FBN2: variants seen among roughly 807,000 people sequenced by gnomAD.
FBN2 encodes the protein fibrillin-2.
In FBN2, 105 loss-of-function variants were observed where a neutral mutation model predicts 355.6. The observed-to-expected ratio is 0.30, with a 90% CI of 0.25 to 0.35. The LOEUF (loss-of-function observed/expected upper bound fraction) is 0.35. FBN2 is among the 10% of genes least tolerant of loss of function. FBN2 has a pLI of 1.00. For synonymous variants in FBN2, 1,350 were observed against 1,301.2 expected (o/e 1.04, Z -0.81); for missense variants, 3,280 against 3,758.7 (o/e 0.87, Z 3.33).
intron 6 of FBN2, among the ~76,000 whole-genome samples, chr5:128,448,782 C>T (rs1178274350): frequency 6.6e-6 from 1 of 152,020 alleles, no homozygotes; most frequent in Non-Finnish European, 1.5e-5. Context: ...TTTATTTCCT[C>T]ATGTGAAAGT....
intron 8 of FBN2, among the ~76,000 whole-genome samples, chr5:128,407,717 C>A (rs1252817605): frequency 6.6e-6 from 1 of 152,094 alleles, no homozygotes; most frequent in African/African-American, 2.4e-5. Context: ...GGCCACAGTC[C>A]TTTTATTGGT....
At chr5:128,500,739 C>A (rs560908848) in intron 5 of FBN2, among the ~76,000 whole-genome samples, 2 of 152,026 alleles carry the variant, frequency 1.3e-5, no homozygotes, top group East Asian at 3.8e-4. Flanking sequence ...CCATCGCGCC[C>A]GGCCGAAATC....
intron 5 of FBN2, among the ~76,000 whole-genome samples, chr5:128,479,976 C>A (rs6894199): frequency 1.2e-3 from 35 of 29,046 alleles, no homozygotes; most frequent in Non-Finnish European, 1.6e-3. Context: ...CTCTCTCTCT[C>A]TATATATATA....
intron 5 of FBN2, among the ~76,000 whole-genome samples, chr5:128,516,614 G>T (rs1429293371): frequency 1.3e-5 from 2 of 152,078 alleles, no homozygotes; most frequent in East Asian, 3.9e-4. Flanking sequence ...AATTTAAAGA[G>T]AAATTATGTG....
intron 1 of FBN2, 91 bp downstream of exon 1, chr5:128,537,259 C>T (rs1050402283): frequency 6.4e-7 from 1 of 1,567,920 alleles, no homozygotes; most frequent in Admixed American, 1.8e-5. Context: ...GCTAAAGGGT[C>T]TGGGACGGAG....
At chr5:128,340,061 C>G (rs1177943993) in intron 25 of FBN2, among the ~76,000 whole-genome samples, 1 of 152,116 alleles carries the variant, frequency 6.6e-6, no homozygotes, top group Non-Finnish European at 1.5e-5. Context: ...ACAGGGTTCT[C>G]TGAGAAATCT....
intron 11 of FBN2, among the ~76,000 whole-genome samples, chr5:128,384,730 G>A (rs907926266): frequency 6.6e-6 from 1 of 151,998 alleles, no homozygotes; most frequent in Non-Finnish European, 1.5e-5. Context: ...ATATTCAAGT[G>A]GCACCTGGGG....
At chr5:128,440,240 TCTTTAGACTA>T (rs1212508589) in intron 7 of FBN2, among the ~76,000 whole-genome samples, 38 of 152,368 alleles carry the variant, frequency 2.5e-4, no homozygotes, top group Middle Eastern at 3.4e-3. Context: ...TAAAACTATT[TCTTTAGACTA>T]TTGCTACTGA....
intron 55 of FBN2, among the ~76,000 whole-genome samples, chr5:128,281,402 T>G (rs1765541319): frequency 6.6e-6 from 1 of 152,216 alleles, no homozygotes; most frequent in Non-Finnish European, 1.5e-5. Flanking sequence ...CAACACACAT[T>G]CTTAATGAAT....
Position 128,488,480 on chromosome 5 carries a change from GATTTT to G in FBN2, c.629-23564_629-23560del, listed in dbSNP as rs377113223. On this transcript the variant is annotated intron_variant, in intron 5 of 64. Transcript: ENST00000262464. Reference sequence around the variant, plus strand: ...AGTTCTTTTTTTTCTGTGCTTCTTTGATTTTATTTCTTTTTTTTAATTTTTTTATT... The same window carrying G: ...AGTTCTTTTTTTTCTGTGCTTCTTTGATTTCTTTTTTTTAATTTTTTTATT... Among the ~76,000 whole-genome samples, 56 of 151,796 alleles carry G rather than the reference GATTTT, an allele frequency of 3.7e-4. No homozygotes were observed. The East Asian group carries it at 9.9e-3, about 27-fold the overall frequency.
chr5:128,512,894 C>T (rs948519142), intron 5 of FBN2, among the ~76,000 whole-genome samples: 1 of 151,984 alleles, frequency 6.6e-6, no homozygotes, highest in Admixed American at 6.6e-5. Flanking sequence ...TATTGGATGC[C>T]AGGCATTATA....
chr5:128,453,741 C>T (rs1440530555), intron 6 of FBN2, among the ~76,000 whole-genome samples: 1 of 152,034 alleles, frequency 6.6e-6, no homozygotes, highest in African/African-American at 2.4e-5. Context: ...GGGGAAGGCT[C>T]AAAGGAAACG....
intron 8 of FBN2, among the ~76,000 whole-genome samples, chr5:128,399,237 G>A (rs1296707900): frequency 6.6e-6 from 1 of 152,032 alleles, no homozygotes; most frequent in Non-Finnish European, 1.5e-5. Flanking sequence ...AACTACAAAG[G>A]TAAAGATCTT....
At chr5:128,342,346 G>A (rs1358434356) in intron 25 of FBN2, among the ~76,000 whole-genome samples, 1 of 151,934 alleles carries the variant, frequency 6.6e-6, no homozygotes, top group Non-Finnish European at 1.5e-5. Flanking sequence ...GCAAGCAGAG[G>A]TCCAGGAGAG....
intron 36 of FBN2, among the ~76,000 whole-genome samples, chr5:128,317,892 G>A (rs138021985): frequency 6.6e-6 from 1 of 152,278 alleles, no homozygotes; most frequent in African/African-American, 2.4e-5. Flanking sequence ...TGGCAACCTG[G>A]GCCACTGCCT....
chr5:128,413,574 A>C (rs1201724144), intron 7 of FBN2, among the ~76,000 whole-genome samples: 1 of 152,190 alleles, frequency 6.6e-6, no homozygotes, highest in Non-Finnish European at 1.5e-5. Context: ...ATAACCTCAT[A>C]TTTGTCAACC....
intron 19 of FBN2, among the ~76,000 whole-genome samples, chr5:128,358,314 C>T (rs1194185777): frequency 6.6e-6 from 1 of 152,082 alleles, no homozygotes; most frequent in Non-Finnish European, 1.5e-5. Flanking sequence ...CACAGTTTTC[C>T]TTCTCTACTA....
intron 5 of FBN2, among the ~76,000 whole-genome samples, chr5:128,472,349 G>A (rs1444480164): frequency 6.6e-6 from 1 of 152,180 alleles, no homozygotes; most frequent in African/African-American, 2.4e-5. Flanking sequence ...GTGGTTGGCA[G>A]GGGTTTGGGG....
At chr5:128,280,760 G>A (rs1413792810) in intron 55 of FBN2, among the ~76,000 whole-genome samples, 1 of 152,102 alleles carries the variant, frequency 6.6e-6, no homozygotes, top group Non-Finnish European at 1.5e-5. Context: ...AGGACAAGCT[G>A]CTAAATTGGT....
Sources: gnomAD v4.1 joint callset for allele counts (sites outside exome capture counted in the v4.1 genomes callset) on GRCh38, gnomAD v4.1.1 for gene constraint, MANE v1.5 for transcripts, NCBI Gene and HGNC (gene_info 2026-07-23, HGNC 2026-07-21) for gene names.